Variants in MOB3B observed in about 807,000 individuals in gnomAD.
MOB3B encodes MOB kinase activator 3B.
MOB3B carries 7 observed loss-of-function variants against 18.7 expected under a neutral mutation model. The ratio of observed to expected loss-of-function variants is 0.37; its 90% CI spans 0.21 to 0.70. The LOEUF is 0.70. Among genes scored for constraint, MOB3B ranks in the 30% least tolerant of loss-of-function variants. MOB3B has a pLI of 0.52. For missense variants in MOB3B, 253 were observed against 281.3 expected (o/e 0.90, Z 0.72); for synonymous variants, 111 against 99.9 (o/e 1.11, Z -0.66).
chr9:27,483,125 C>CTTTTTTTTTTTTTT (rs71492747), intron 1 of MOB3B, among the ~76,000 whole-genome samples: 2 of 68,544 alleles, frequency 2.9e-5, no homozygotes, highest in Admixed American at 2.5e-4. Flanking sequence ...ATATACGGTA[C>CTTTTTTTTTTTTTT]TTTTTTTTTT....
intron 3 of MOB3B, among the ~76,000 whole-genome samples, chr9:27,349,688 G>C (rs896412028): frequency 6.6e-6 from 1 of 152,208 alleles, no homozygotes; most frequent in Non-Finnish European, 1.5e-5. Flanking sequence ...CTGACCAACA[G>C]CTCCCCTAAG....
intron 2 of MOB3B, among the ~76,000 whole-genome samples, chr9:27,407,791 T>C (rs1039509195): frequency 6.6e-6 from 1 of 152,206 alleles, no homozygotes; most frequent in South Asian, 2.1e-4. Context: ...GTGTTGTCTC[T>C]GGCAAGACAG....
intron 2 of MOB3B, among the ~76,000 whole-genome samples, chr9:27,411,040 G>T (rs537196051): frequency 6.6e-6 from 1 of 152,318 alleles, no homozygotes; most frequent in South Asian, 2.1e-4. Flanking sequence ...ACTTGGTTCT[G>T]CTGTGAGTCT....
chr9:27,481,511 G>T (rs141839329), intron 1 of MOB3B, among the ~76,000 whole-genome samples: 1,321 of 69,608 alleles, frequency 0.019, 19 homozygotes, highest in African/African-American at 0.035. Flanking sequence ...TTTTTTTTTT[G>T]TTTTTTTTGT....
At chr9:27,358,994 T>C in intron 3 of MOB3B, 40 bp downstream of exon 3, 2 of 1,599,122 alleles carry the variant, frequency 1.3e-6, no homozygotes, top group Non-Finnish European at 1.7e-6. Context: ...GCCGAGCTCC[T>C]GGGGTGACTT....
In MOB3B at chr9:27,480,323, G is replaced by T. The variant is rs1321060736; in HGVS notation, c.-198-24575C>A. ...AGCTATTTTTTTTTTTTTTTGAGAC[G>T]GAGTCTCGCTCTGTCACCCAGGCTG... On this transcript the variant is annotated intron_variant, in intron 1 of 3. Coordinates refer to ENST00000262244, the MANE Select transcript of MOB3B (RefSeq NM_024761.5). Among the ~76,000 whole-genome samples the T allele has an allele frequency of 2.8e-5, 4 of 144,746 alleles. No homozygotes were observed. In the Admixed American group the frequency reaches 2.8e-4, roughly 10 times the overall value. 95.0% of individuals were successfully genotyped at this position (144,746 alleles called of 152,430 possible). A position where few individuals can be genotyped will look rare whatever the true frequency, so the allele number is the denominator to read the frequency against.
chr9:27,519,361 C>A (rs1820290755), intron 1 of MOB3B, among the ~76,000 whole-genome samples: 2 of 152,160 alleles, frequency 1.3e-5, no homozygotes, highest in Non-Finnish European at 2.9e-5. Context: ...TTTTTAATAT[C>A]ATCTCCAAAT....
intron 2 of MOB3B, among the ~76,000 whole-genome samples, chr9:27,422,316 A>C (rs1822267485): frequency 6.6e-6 from 1 of 152,250 alleles, no homozygotes; most frequent in Admixed American, 6.5e-5. Flanking sequence ...ATAAATCAAC[A>C]ACCCACCATT....
At chr9:27,520,993 T>A (rs543661479) in intron 1 of MOB3B, among the ~76,000 whole-genome samples, 1 of 152,162 alleles carries the variant, frequency 6.6e-6, no homozygotes, top group Non-Finnish European at 1.5e-5. Flanking sequence ...CAGATGTGTA[T>A]GCCAACCATC....
intron 3 of MOB3B, among the ~76,000 whole-genome samples, chr9:27,345,458 T>G (rs1227452319): frequency 2.0e-5 from 3 of 152,134 alleles, no homozygotes; most frequent in South Asian, 4.2e-4. Context: ...CATTTAAAAC[T>G]CTGGAGAATT....
intron 3 of MOB3B, among the ~76,000 whole-genome samples, chr9:27,332,660 C>T (rs971645301): frequency 6.6e-6 from 1 of 152,212 alleles, no homozygotes; most frequent in African/African-American, 2.4e-5. Flanking sequence ...ACAGTAACCG[C>T]TGCTTTTATT....
In MOB3B at chr9:27,359,135, T is replaced by G; in HGVS notation, c.520A>C (p.Ile174Leu). The change falls in exon 3 of 4, where the codon ATT (isoleucine) becomes CTT (leucine). Residue 174 changes from isoleucine (I) to leucine (L), a missense_variant. Physicochemically the swap from Ile to Leu is conservative, Grantham distance 5. Coordinates refer to ENST00000262244, the MANE Select transcript of MOB3B (RefSeq NM_024761.5). ...HVYIHHFDRV[I>L]VMGAEAHVNT... ...ACATGGGCCTCTGCACCCATCACAA[T>G]GACCCGGTCGAAGTGGTGGATATAG... 6.2e-7 allele frequency: 1 copy of G among 1,614,128 alleles called. No homozygotes were observed. Among genetic ancestry groups the G allele is most frequent in the Non-Finnish European group, 8.5e-7 (1 of 1,180,030 alleles).
chr9:27,449,141 A>C (rs1249730272), intron 2 of MOB3B, among the ~76,000 whole-genome samples: 1 of 152,190 alleles, frequency 6.6e-6, no homozygotes, highest in Non-Finnish European at 1.5e-5. Context: ...AGCCTAAAGA[A>C]ATACTGGAAT....
At chr9:27,420,619 A>T (rs1355454691) in intron 2 of MOB3B, among the ~76,000 whole-genome samples, 2 of 139,348 alleles carry the variant, frequency 1.4e-5, no homozygotes, top group Admixed American at 1.4e-4. Flanking sequence ...AGCCATAAAA[A>T]GGAATGAATT....
At chr9:27,338,246 C>T (rs1271382784) in intron 3 of MOB3B, among the ~76,000 whole-genome samples, 1 of 152,182 alleles carries the variant, frequency 6.6e-6, no homozygotes, top group East Asian at 1.9e-4. Context: ...ATGGAGAGCC[C>T]TATTTCCTTG....
At chr9:27,337,812 G>C (rs766422790) in intron 3 of MOB3B, among the ~76,000 whole-genome samples, 2 of 152,194 alleles carry the variant, frequency 1.3e-5, no homozygotes, top group Admixed American at 6.5e-5. Flanking sequence ...GGCAAGGGCA[G>C]GTGTGCTTTC....
At chr9:27,453,602 T>C (rs1822826064) in intron 2 of MOB3B, among the ~76,000 whole-genome samples, 2 of 152,116 alleles carry the variant, frequency 1.3e-5, no homozygotes, top group South Asian at 2.1e-4. Context: ...ACCATGGCTT[T>C]GTACTATGAC....
At chr9:27,449,910 G>T (rs545550296) in intron 2 of MOB3B, among the ~76,000 whole-genome samples, 96 of 151,764 alleles carry the variant, frequency 6.3e-4, no homozygotes, top group African/African-American at 2.1e-3. Flanking sequence ...CCTGGGAAGC[G>T]GAGGCTGCAG....
intron 1 of MOB3B, among the ~76,000 whole-genome samples, chr9:27,492,112 G>C (rs1271665208): frequency 6.6e-6 from 1 of 152,202 alleles, no homozygotes; most frequent in Non-Finnish European, 1.5e-5. Context: ...GCAAATTGCA[G>C]GGTATTTGCA....
Sources: allele counts gnomAD v4.1 joint callset (sites outside exome capture counted in the v4.1 genomes callset), GRCh38; gene constraint gnomAD v4.1.1; transcripts MANE v1.5; gene names NCBI Gene and HGNC (gene_info 2026-07-23, HGNC 2026-07-21).